Variants in CDYL observed in about 807,000 individuals in gnomAD.
CDYL encodes chromodomain Y like.
In CDYL, 8 loss-of-function variants were observed where a neutral mutation model predicts 47.3. The ratio of observed to expected loss-of-function variants is 0.17; its 90% CI spans 0.10 to 0.31. CDYL has a LOEUF of 0.31. CDYL is among the 10% of genes least tolerant of loss of function. CDYL has a pLI of 1.00. For missense variants in CDYL, 471 were observed against 701.4 expected (o/e 0.67, Z 3.71); for synonymous variants, 266 against 265.0 (o/e 1.00, Z -0.04).
intron 5 of CDYL, among the ~76,000 whole-genome samples, chr6:4,949,994 A>G (rs1040786140): frequency 2.0e-5 from 3 of 152,150 alleles, no homozygotes; most frequent in African/African-American, 7.2e-5. Flanking sequence ...AAGGATCTCC[A>G]GGGATGAGCA....
Position 4,878,835 on chromosome 6 carries a change from G to T in CDYL, c.25-12878G>T, listed in dbSNP as rs552391345. On this transcript the variant is annotated intron_variant, in intron 1 of 6. Transcript: ENST00000397588. The stretch of plus-strand genomic sequence containing the variant: ...CAGTTTATTTTTCTGTTTTTTTCAA[G>T]TAGAAATTTAGATAATTATTTTTTT... 5.9e-5 allele frequency among the ~76,000 whole-genome samples: 9 copies of T among 151,736 alleles called. No individual in the cohort carries two copies. In the East Asian group the frequency reaches 9.7e-4, roughly 16 times the overall value.
At chr6:4,724,184 G>GC (rs1448234059) in intron 2 of CDYL, among the ~76,000 whole-genome samples, 1 of 152,040 alleles carries the variant, frequency 6.6e-6, no homozygotes, top group Admixed American at 6.5e-5. Context: ...GGGACCACAG[G>GC]CATGTGCCAT....
chr6:4,916,497 A>G (rs1757560056), intron 2 of CDYL, among the ~76,000 whole-genome samples: 1 of 152,236 alleles, frequency 6.6e-6, no homozygotes, highest in Non-Finnish European at 1.5e-5. Flanking sequence ...AACCACTGAG[A>G]ACAGGTTTTG....
intron 3 of CDYL, among the ~76,000 whole-genome samples, chr6:4,742,907 A>G (rs1043042928): frequency 6.6e-6 from 1 of 152,188 alleles, no homozygotes; most frequent in Non-Finnish European, 1.5e-5. Flanking sequence ...TTCTTTTCAG[A>G]GTTGTCTAAT....
At chr6:4,745,918 GTGT>G (rs1757888188) in intron 3 of CDYL, among the ~76,000 whole-genome samples, 1 of 152,166 alleles carries the variant, frequency 6.6e-6, no homozygotes. Flanking sequence ...GTTCAGGGAA[GTGT>G]TGATGATAAC....
chr6:4,831,953 T>A (rs1760157731), intron 1 of CDYL, among the ~76,000 whole-genome samples: 1 of 152,048 alleles, frequency 6.6e-6, no homozygotes, highest in Non-Finnish European at 1.5e-5. Flanking sequence ...TGAAGTTGCT[T>A]ATCAGCTTAA....
At chr6:4,813,936 A>ATTTT in intron 1 of CDYL, among the ~76,000 whole-genome samples, 1 of 122,846 alleles carries the variant, frequency 8.1e-6, no homozygotes, top group Non-Finnish European at 1.8e-5. Context: ...TGCCTGGCTA[A>ATTTT]TTTTTTTTTT....
At chr6:4,890,147 G>C (rs1762003000) in intron 1 of CDYL, 3 of 985,412 alleles carry the variant, frequency 3.0e-6, no homozygotes, top group Non-Finnish European at 3.6e-6. Flanking sequence ...CAGGAGGCAG[G>C]GGGAACATTA....
At chr6:4,936,909 C>T (rs920378739) in intron 3 of CDYL, among the ~76,000 whole-genome samples, 2 of 152,124 alleles carry the variant, frequency 1.3e-5, no homozygotes, top group African/African-American at 2.4e-5. Context: ...TTTAATTATA[C>T]TCGAGTTATG....
chr6:4,739,523 A>AG lies in CDYL; in HGVS notation c.186+4679_186+4680insG, dbSNP rs1421036238. On this transcript the variant is annotated intron_variant, in intron 3 of 8. Coordinates refer to the CDYL transcript ENST00000328908. ...TGACAAGAGTAAAACTCTGACTCAA[A>AG]AAAAAAAAAAAAAGTTGAGTAAAAA... Among the ~76,000 whole-genome samples the AG allele has an allele frequency of 2.2e-3, 338 of 151,266 alleles. 1 individual carries two copies. The highest frequency in any genetic ancestry group is 3.9e-3 in the Non-Finnish European group (266 of 67,684).
At chr6:4,927,884 A>G (rs752541271) in intron 2 of CDYL, among the ~76,000 whole-genome samples, 3 of 152,004 alleles carry the variant, frequency 2.0e-5, no homozygotes, top group Non-Finnish European at 4.4e-5. Flanking sequence ...GAAACTTTAC[A>G]TGTTCTATTA....
intron 2 of CDYL, among the ~76,000 whole-genome samples, chr6:4,900,827 A>G (rs1050661849): frequency 3.5e-5 from 3 of 85,992 alleles, no homozygotes; most frequent in Non-Finnish European, 7.4e-5. Flanking sequence ...ATATATATAT[A>G]TATCTTGCCT....
intron 1 of CDYL, among the ~76,000 whole-genome samples, chr6:4,779,160 T>TA (rs1460209314): frequency 6.6e-6 from 1 of 152,196 alleles, no homozygotes; most frequent in Non-Finnish European, 1.5e-5. Flanking sequence ...GCAGAAGTGA[T>TA]ACGCAATTGT....
chr6:4,754,816 A>G (rs946140846), intron 3 of CDYL, among the ~76,000 whole-genome samples: 5 of 152,222 alleles, frequency 3.3e-5, no homozygotes, highest in African/African-American at 1.2e-4. Context: ...TATCCTATAA[A>G]TTAAAATATT....
At chr6:4,706,727 T>C (rs553396632) in intron 1 of CDYL, among the ~76,000 whole-genome samples, 1 of 152,298 alleles carries the variant, frequency 6.6e-6, no homozygotes, top group East Asian at 1.9e-4. Context: ...AGGCAGAGCC[T>C]GCAGTGAGTC....
At chr6:4,789,405 T>C (rs1758855142) in intron 1 of CDYL, among the ~76,000 whole-genome samples, 2 of 152,252 alleles carry the variant, frequency 1.3e-5, no homozygotes, top group East Asian at 1.9e-4. Context: ...TTCTCTCCCC[T>C]AGTGGTGTCT....
In CDYL at chr6:4,892,176, C is replaced by A. The variant is rs756291337; in HGVS notation, c.488C>A (p.Pro163His). 2 of 1,614,218 alleles carry A rather than the reference C, an allele frequency of 1.2e-6. No individual in the cohort carries two copies. Among genetic ancestry groups the A allele is most frequent in the Non-Finnish European group, 1.7e-6 (2 of 1,180,050 alleles). Residue 163 changes from proline to histidine, a missense_variant, in exon 2 of 7, where the codon CCT (proline) becomes CAT (histidine). Around this residue, in one of 3 missense-constraint regions of CDYL, gnomAD observed 311 missense variants for 350.0 expected, o/e 0.89. Coordinates refer to ENST00000397588, the MANE Select transcript of CDYL (RefSeq NM_004824.4). ...GTGGACGGCTTTCAGAGCGAGAGCC[C>A]TGAGAAACTGGACCCCGTCGAGCAG... Reference protein sequence around the residue: ...TAVDGFQSESPEKLDPVEQGQ... With the variant: ...TAVDGFQSESHEKLDPVEQGQ...
At chr6:4,803,033 T>C (rs935488027) in intron 1 of CDYL, among the ~76,000 whole-genome samples, 2 of 152,224 alleles carry the variant, frequency 1.3e-5, no homozygotes, top group African/African-American at 4.8e-5. Flanking sequence ...ATTGCTGTTC[T>C]GTTCCCAGCA....
intron 3 of CDYL, among the ~76,000 whole-genome samples, chr6:4,766,994 C>T (rs918845574): frequency 6.6e-6 from 1 of 150,814 alleles, no homozygotes; most frequent in African/African-American, 2.4e-5. Context: ...AAAGTGAGAC[C>T]CTGTCTAAAA....
Sources: gnomAD v4.1 joint callset for allele counts (sites outside exome capture counted in the v4.1 genomes callset) on GRCh38, gnomAD v4.1.1 for gene constraint, gnomAD v4.1.1 regional missense constraint, MANE v1.5 for transcripts, NCBI Gene and HGNC (gene_info 2026-07-23, HGNC 2026-07-21) for gene names.